The following RIMS2 variants were observed in gnomAD, a reference collection of about 807,000 sequenced individuals.
The protein encoded by RIMS2 is regulating synaptic membrane exocytosis 2, also known as regulating synaptic membrane exocytosis protein 2.
RIMS2 carries 59 observed loss-of-function variants against 174.4 expected under a neutral mutation model. The observed-to-expected ratio is 0.34, with a 90% confidence interval of 0.27 to 0.42. The LOEUF is 0.42. Among genes scored for constraint, RIMS2 ranks in the 10% least tolerant of loss-of-function variants. RIMS2 has a pLI of 1.00. For missense variants in RIMS2, 1,620 were observed against 1,666.3 expected (o/e 0.97, Z 0.48); for synonymous variants, 606 against 572.5 (o/e 1.06, Z -0.84).
intron 3 of RIMS2, among the ~76,000 whole-genome samples, chr8:103,785,817 A>G (rs939299749): frequency 6.6e-6 from 1 of 152,076 alleles, no homozygotes; most frequent in Non-Finnish European, 1.5e-5. Flanking sequence ...CTCTTTTTCT[A>G]TTGATTGGAA....
chr8:103,550,564 A>G (rs1847287170), intron 1 of RIMS2, among the ~76,000 whole-genome samples: 1 of 152,140 alleles, frequency 6.6e-6, no homozygotes, highest in Non-Finnish European at 1.5e-5. Flanking sequence ...GCAAGACCAA[A>G]CACATTCAAA....
intron 2 of RIMS2, among the ~76,000 whole-genome samples, chr8:103,721,047 C>T (rs1319512775): frequency 1.3e-4 from 20 of 152,086 alleles, no homozygotes; most frequent in Admixed American, 1.3e-3. Context: ...GGGGTGGATC[C>T]TTCATGAATG....
intron 1 of RIMS2, among the ~76,000 whole-genome samples, chr8:103,507,076 C>G (rs1013135956): frequency 6.6e-6 from 1 of 152,074 alleles, no homozygotes; most frequent in Non-Finnish European, 1.5e-5. Flanking sequence ...ACCCAGAGAA[C>G]CGTATTAGGT....
chr8:103,959,692 A>G (rs1339596878), intron 14 of RIMS2, among the ~76,000 whole-genome samples: 1 of 151,962 alleles, frequency 6.6e-6, no homozygotes, highest in Non-Finnish European at 1.5e-5. Context: ...CCAGAGTGCT[A>G]GGATTACAGG....
rs1486100885 is a variant in RIMS2, at chr8:104,060,236, C to T, written c.3334+45621C>T. On this transcript the variant is annotated intron_variant, in intron 19 of 23. Coordinates refer to ENST00000504942, the Ensembl canonical transcript of RIMS2. ...TGGTTGGTAAGCTATTGATTATTGC[C>T]ACAATTTCAGAGCCTGTTATTGGTC... 3.8e-3 allele frequency among the ~76,000 whole-genome samples: 572 copies of T among 149,918 alleles called. 5 individuals are homozygous for T. The highest frequency in any genetic ancestry group is 0.012 in the African/African-American group (492 of 40,906).
intron 19 of RIMS2, among the ~76,000 whole-genome samples, chr8:104,112,014 A>T (rs1420885809): frequency 6.6e-6 from 1 of 152,176 alleles, no homozygotes; most frequent in Non-Finnish European, 1.5e-5. Flanking sequence ...TTATTTAATG[A>T]TTATGAGTCC....
chr8:103,905,708 A>G (rs775776417), intron 4 of RIMS2, among the ~76,000 whole-genome samples: 2 of 149,076 alleles, frequency 1.3e-5, no homozygotes, highest in Non-Finnish European at 3.0e-5. Flanking sequence ...CTGGACTTAC[A>G]ATGATATGAG....
intron 12 of RIMS2, among the ~76,000 whole-genome samples, chr8:103,933,518 G>T (rs1378449488): frequency 1.3e-5 from 2 of 152,086 alleles, no homozygotes; most frequent in Non-Finnish European, 2.9e-5. Flanking sequence ...AGATGAAATG[G>T]AAGCTCTTCT....
chr8:103,802,970 T>G (rs1434349234), intron 3 of RIMS2, among the ~76,000 whole-genome samples: 1 of 152,170 alleles, frequency 6.6e-6, no homozygotes, highest in Non-Finnish European at 1.5e-5. Context: ...TAACATGAAT[T>G]CAGCATCATG....
At chr8:103,682,731 T>C (rs1170961170) in intron 1 of RIMS2, among the ~76,000 whole-genome samples, 1 of 152,176 alleles carries the variant, frequency 6.6e-6, no homozygotes, top group Non-Finnish European at 1.5e-5. Flanking sequence ...TAAAAAAATC[T>C]TTCTTAGTAC....
chr8:104,185,929 C>T (rs1039595276), intron 19 of RIMS2, among the ~76,000 whole-genome samples: 1 of 151,544 alleles, frequency 6.6e-6, no homozygotes, highest in Non-Finnish European at 1.5e-5. Context: ...TACCTGTACC[C>T]ATATGTTTAT....
chr8:103,708,705 G>C (rs2097263873), intron 2 of RIMS2, among the ~76,000 whole-genome samples: 1 of 151,988 alleles, frequency 6.6e-6, no homozygotes, highest in African/African-American at 2.4e-5. Context: ...TTGGTTTTCT[G>C]TGCATAATGT....
Position 103,792,379 on chromosome 8 carries a change from C to G in RIMS2, c.698+25842C>G, listed in dbSNP as rs150747515. ...ACATGTTCTTTGAAACCAATAAGAA[C>G]AAAGAAACAATGTACCAGAATCTCT... On this transcript the variant is annotated intron_variant, in intron 3 of 23. Transcript: ENST00000504942. Among the ~76,000 whole-genome samples, 950 of 152,138 alleles carry G rather than the reference C, an allele frequency of 6.2e-3. 13 individuals carry two copies. The highest frequency in any genetic ancestry group is 0.022 in the African/African-American group (899 of 41,500).
At chr8:103,615,459 A>T (rs1237958448) in intron 1 of RIMS2, among the ~76,000 whole-genome samples, 2 of 152,194 alleles carry the variant, frequency 1.3e-5, no homozygotes, top group Non-Finnish European at 2.9e-5. Flanking sequence ...TAATTTCACA[A>T]CTGAAAGAAT....
chr8:103,596,691 T>C (rs922957145), intron 1 of RIMS2, among the ~76,000 whole-genome samples: 10 of 151,980 alleles, frequency 6.6e-5, no homozygotes, highest in African/African-American at 2.4e-4. Context: ...CAATAAAAAA[T>C]AAAAATATCT....
intron 10 of RIMS2, among the ~76,000 whole-genome samples, chr8:103,923,495 A>T (rs1258086773): frequency 6.6e-6 from 1 of 151,926 alleles, no homozygotes; most frequent in Non-Finnish European, 1.5e-5. Flanking sequence ...ATGGTTCAAA[A>T]TTAATATGGT....
At chr8:103,904,775 T>C (rs912494494) in intron 4 of RIMS2, among the ~76,000 whole-genome samples, 3 of 152,036 alleles carry the variant, frequency 2.0e-5, no homozygotes, top group Non-Finnish European at 2.9e-5. Flanking sequence ...TTCTTTTTTG[T>C]TTTCTGTTTG....
At chr8:104,056,807 C>A (rs958812169) in intron 19 of RIMS2, among the ~76,000 whole-genome samples, 2 of 152,114 alleles carry the variant, frequency 1.3e-5, no homozygotes, top group Admixed American at 6.5e-5. Flanking sequence ...ATCACTTAAG[C>A]CTGAGAGGTA....
chr8:103,725,232 T>C (rs927586694), intron 2 of RIMS2, among the ~76,000 whole-genome samples: 5 of 152,178 alleles, frequency 3.3e-5, no homozygotes, highest in African/African-American at 9.7e-5. Context: ...CTGTAAAAAA[T>C]TGAAGTGTAA....
Sources: gnomAD v4.1 joint callset for allele counts (sites outside exome capture counted in the v4.1 genomes callset) on GRCh38, gnomAD v4.1.1 for gene constraint, MANE v1.5 for transcripts, NCBI Gene and HGNC (gene_info 2026-07-23, HGNC 2026-07-21) for gene names.